MYRIP: variants seen among roughly 807,000 people sequenced by gnomAD.
The protein encoded by MYRIP is rab effector MyRIP.
Under a neutral mutation model 98.0 loss-of-function variants are expected in MYRIP, and 49 were observed. That is an observed-to-expected ratio of 0.50 (90% confidence interval 0.40 to 0.63). The LOEUF (loss-of-function observed/expected upper bound fraction) is 0.63, where lower values mean the gene tolerates loss of function less well. Among genes scored for constraint, MYRIP ranks in the 30% least tolerant of loss-of-function variants. MYRIP has a pLI of 0.00. For missense variants in MYRIP, 1,004 were observed against 1,058.2 expected, an observed-to-expected ratio of 0.95 and a Z score of 0.71; for synonymous variants, 404 against 409.5, an observed-to-expected ratio of 0.99 and a Z score of 0.16.
chr3:39,964,019 G>A (rs180773551), intron 2 of MYRIP, among the ~76,000 whole-genome samples: 93 of 152,120 alleles, frequency 6.1e-4, no homozygotes, highest in South Asian at 3.7e-3. Context: ...GCAGTATGTG[G>A]TGCTGAGTGA....
At chr3:40,105,460 G>A (rs552189712) in intron 3 of MYRIP, among the ~76,000 whole-genome samples, 141 of 152,228 alleles carry the variant, frequency 9.3e-4, no homozygotes, top group African/African-American at 3.3e-3. Flanking sequence ...GGAGGCCTTA[G>A]GGAGCCTTTA....
intron 1 of MYRIP, among the ~76,000 whole-genome samples, chr3:39,830,751 C>G (rs1310613573): frequency 6.6e-6 from 1 of 152,108 alleles, no homozygotes; most frequent in African/African-American, 2.4e-5. Flanking sequence ...TGTTATTTTT[C>G]TTTTCTTGGA....
rs1270544530 is a variant in MYRIP, at chr3:40,218,596, C to T, written c.1905+8503C>T. Among the ~76,000 whole-genome samples the T allele has an allele frequency of 2.4e-3, 10 of 4,182 alleles. 1 individual carries two copies. The East Asian group carries it at 0.35, about 145-fold the overall frequency. 2.7% of individuals were successfully genotyped at this position (4,182 alleles called of 152,430 possible). A position where few individuals can be genotyped will look rare whatever the true frequency, so the allele number is the denominator to read the frequency against. ...ATACACATTTACACACACACACACA[C>T]ACATATATATATATTTTATATATAT... On this transcript the variant is annotated intron_variant, in intron 11 of 16. Coordinates refer to ENST00000302541, the MANE Select transcript of MYRIP (RefSeq NM_015460.4).
At chr3:40,044,024 C>G in intron 2 of MYRIP, 26 bp from the exon 3 acceptor site, 1 of 1,608,494 alleles carries the variant, frequency 6.2e-7, no homozygotes, top group African/African-American at 1.3e-5. Flanking sequence ...TCTCCTCCTC[C>G]CATTTCCCCT....
chr3:40,221,433 C>G (rs896369752), intron 11 of MYRIP, among the ~76,000 whole-genome samples: 3 of 152,146 alleles, frequency 2.0e-5, no homozygotes, highest in African/African-American at 4.8e-5. Flanking sequence ...GTGTTTGAGA[C>G]CAGCTTGGGC....
intron 1 of MYRIP, among the ~76,000 whole-genome samples, chr3:39,857,722 T>TAACATCAATAACCTAAATTTATTGATG (rs1182375753): frequency 2.6e-5 from 4 of 152,280 alleles, no homozygotes; most frequent in South Asian, 4.1e-4. Context: ...TGACAAAAGG[T>TAACATCAATAACCTAAATTTATTGATG]ATAAATTGTA....
intron 2 of MYRIP, among the ~76,000 whole-genome samples, chr3:40,026,269 C>G (rs897562839): frequency 5.9e-5 from 9 of 152,120 alleles, no homozygotes; most frequent in Middle Eastern, 3.2e-3. Flanking sequence ...AAATATGGCT[C>G]TATTTTGTCC....
chr3:40,011,997 A>G (rs1160829648), intron 2 of MYRIP, among the ~76,000 whole-genome samples: 4 of 152,216 alleles, frequency 2.6e-5, no homozygotes, highest in Non-Finnish European at 5.9e-5. Context: ...AACACTACCA[A>G]TTAAATAAAA....
chr3:40,203,426 G>C (rs960558707), intron 10 of MYRIP, among the ~76,000 whole-genome samples: 7 of 151,846 alleles, frequency 4.6e-5, no homozygotes, highest in Admixed American at 4.6e-4. Context: ...GCAGCACCCA[G>C]CTGTGGGGCT....
chr3:40,155,299 T>G, intron 4 of MYRIP, among the ~76,000 whole-genome samples: 1 of 151,882 alleles, frequency 6.6e-6, no homozygotes, highest in East Asian at 1.9e-4. Flanking sequence ...ATTTCATCCA[T>G]GTCCCTACAA....
At chr3:40,257,374 T>C (rs1559480641) in intron 16 of MYRIP, among the ~76,000 whole-genome samples, 1 of 152,198 alleles carries the variant, frequency 6.6e-6, no homozygotes, top group Non-Finnish European at 1.5e-5. Flanking sequence ...CAAGGATAGC[T>C]TAAATACTGT....
At chr3:40,069,380 A>G (rs1666782246) in intron 3 of MYRIP, among the ~76,000 whole-genome samples, 1 of 148,676 alleles carries the variant, frequency 6.7e-6, no homozygotes, top group Admixed American at 6.9e-5. Context: ...CCTCAAGGCC[A>G]AATTTCGCAA....
chr3:40,237,237 A>C (rs775432203), intron 12 of MYRIP, among the ~76,000 whole-genome samples: 4 of 152,174 alleles, frequency 2.6e-5, no homozygotes, highest in Non-Finnish European at 5.9e-5. Flanking sequence ...AAACCTATGC[A>C]TGTATCTGTC....
chr3:40,082,932 A>G (rs1948511489), intron 3 of MYRIP, among the ~76,000 whole-genome samples: 1 of 152,232 alleles, frequency 6.6e-6, no homozygotes. Context: ...CCCGTAAAAT[A>G]GGCCAGAATA....
intron 8 of MYRIP, among the ~76,000 whole-genome samples, chr3:40,180,048 G>A (rs932815962): frequency 2.0e-5 from 3 of 152,122 alleles, no homozygotes; most frequent in African/African-American, 4.8e-5. Context: ...TGAAAACCTC[G>A]GGTGTTGTCA....
At chr3:39,928,119 A>G (rs764140281) in intron 2 of MYRIP, among the ~76,000 whole-genome samples, 4 of 151,976 alleles carry the variant, frequency 2.6e-5, no homozygotes, top group Non-Finnish European at 4.4e-5. Flanking sequence ...ATAAGTTACT[A>G]TAACTCACTC....
At chr3:40,209,515 AG>A (rs1951864794) in intron 10 of MYRIP, among the ~76,000 whole-genome samples, 1 of 152,138 alleles carries the variant, frequency 6.6e-6, no homozygotes, top group Admixed American at 6.5e-5. Flanking sequence ...CATTCATTAC[AG>A]GGCTGGCCCA....
intron 1 of MYRIP, among the ~76,000 whole-genome samples, chr3:39,814,209 G>T (rs1940798031): frequency 6.6e-6 from 1 of 152,142 alleles, no homozygotes; most frequent in Non-Finnish European, 1.5e-5. Context: ...AGGTTTGGCA[G>T]GTTGCCCTCC....
At chr3:39,979,972 T>A (rs1256363092) in intron 2 of MYRIP, among the ~76,000 whole-genome samples, 1 of 152,150 alleles carries the variant, frequency 6.6e-6, no homozygotes, top group Non-Finnish European at 1.5e-5. Context: ...GAAGCAAAGG[T>A]GAGCACAGGA....
Sources: gnomAD v4.1 joint callset for allele counts (sites outside exome capture counted in the v4.1 genomes callset) on GRCh38, gnomAD v4.1.1 for gene constraint, MANE v1.5 for transcripts, NCBI Gene and HGNC (gene_info 2026-07-23, HGNC 2026-07-21) for gene names.